The following ZFAND2A variants were observed in gnomAD, a reference collection of about 807,000 sequenced individuals.
The protein encoded by ZFAND2A is AN1-type zinc finger protein 2A.
Under a neutral mutation model 11.6 loss-of-function variants are expected in ZFAND2A, and 20 were observed. That is an observed-to-expected ratio of 1.72 (90% CI 1.21 to 2.50). The LOEUF (loss-of-function observed/expected upper bound fraction) is 2.50. ZFAND2A is among the 30% of genes most tolerant of loss of function. The pLI, the probability that ZFAND2A is intolerant of heterozygous loss-of-function variation, is 0.00. For missense variants in ZFAND2A, 234 were observed against 182.9 expected, an observed-to-expected ratio of 1.28 and a Z score of -1.61; for synonymous variants, 93 against 60.6, an observed-to-expected ratio of 1.54 and a Z score of -2.48.
chr7:1,152,728 G>C (rs752166518), downstream of ZFAND2A, among the ~76,000 whole-genome samples: 8 of 152,238 alleles, frequency 5.3e-5, no homozygotes, highest in African/African-American at 1.9e-4. Flanking sequence ...GACGAGCCCC[G>C]AGATGCTGGG....
chr7:1,155,225 C>G (rs774892564), intron 4 of ZFAND2A, among the ~76,000 whole-genome samples: 1 of 152,148 alleles, frequency 6.6e-6, no homozygotes. Flanking sequence ...TAGTAAATTC[C>G]AGTCAAGAAA....
At chr7:1,153,972 G>A (rs971865741) in intron 4 of ZFAND2A, among the ~76,000 whole-genome samples, 1 of 152,046 alleles carries the variant, frequency 6.6e-6, no homozygotes, top group Non-Finnish European at 1.5e-5. Flanking sequence ...AAGCCGGTCA[G>A]CATTGAAGCT....
At chr7:1,148,855 C>T (rs1420966172), downstream of ZFAND2A, among the ~76,000 whole-genome samples, 1 of 135,108 alleles carries the variant, frequency 7.4e-6, no homozygotes, top group African/African-American at 2.9e-5. Flanking sequence ...TTTAATGAGA[C>T]AGTCTTGCTC....
intron 4 of ZFAND2A, among the ~76,000 whole-genome samples, chr7:1,153,647 G>A (rs1392373367): frequency 6.6e-6 from 1 of 152,202 alleles, no homozygotes; most frequent in Non-Finnish European, 1.5e-5. Flanking sequence ...TCTCAGTGCA[G>A]GTAAGAAGAA....
Position 1,158,274 on chromosome 7 carries a change from ATAGT to A in ZFAND2A, c.-45-21_-45-18del, listed in dbSNP as rs1418793215. On this transcript the variant is annotated intron_variant, in intron 1 of 4. Transcript: ENST00000316495. ...AAGTGTCACCTACAAGAGAATCAGA[ATAGT>A]TAGGAGGAAAGCTGGACTGCCCTTC... 2.6e-6 allele frequency: 4 copies of A among 1,514,222 alleles called. No homozygotes were observed. Among genetic ancestry groups the A allele is most frequent in the Admixed American group, 3.4e-5 (2 of 58,486 alleles). 93.8% of individuals were successfully genotyped at this position (1,514,222 alleles called of 1,614,324 possible).
At chr7:1,154,666 G>A (rs1034654785) in intron 4 of ZFAND2A, among the ~76,000 whole-genome samples, 18 of 152,204 alleles carry the variant, frequency 1.2e-4, no homozygotes, top group Non-Finnish European at 4.4e-5. Flanking sequence ...GGCAGACTAA[G>A]GAACACTGAT....
intron 4 of ZFAND2A, among the ~76,000 whole-genome samples, chr7:1,154,794 C>T (rs997319480): frequency 1.3e-5 from 2 of 152,204 alleles, no homozygotes; most frequent in African/African-American, 4.8e-5. Flanking sequence ...TGACTAGGAA[C>T]GGATTAAGCC....
Position 1,158,221 on chromosome 7 carries a change from C to G in ZFAND2A, c.-9G>C, listed in dbSNP as rs139762237. 4 of 1,613,892 alleles carry G rather than the reference C, an allele frequency of 2.5e-6. No homozygotes were observed. Among genetic ancestry groups the G allele is most frequent in the Non-Finnish European group, 3.4e-6 (4 of 1,179,938 alleles). On this transcript the variant is annotated 5_prime_UTR_variant, in exon 2 of 5. Coordinates refer to ENST00000316495, the MANE Select transcript of ZFAND2A (RefSeq NM_182491.4). ...AAATCAGGAAACTCCATTATGAGAA[C>G]AGTGCTCAAAACGCAGATGGCGGAG...
rs915984297 is a variant in ZFAND2A, at chr7:1,155,549, G to T, written c.186C>A (p.Thr62=). The T allele has an allele frequency of 3.1e-6, 5 of 1,613,616 alleles. No homozygotes were observed. Among genetic ancestry groups the T allele is most frequent in the South Asian group, 1.1e-5 (1 of 91,068 alleles). The part of the protein sequence containing the change: ...VHVPVCPLCN[T]PIPVKKGQIP... ...TCTGGCCCTTTTTTACTGGGATGGG[G>T]GTATTACAGAGTGGGCATACTGGGA... Residue 62 remains threonine, a synonymous_variant, in exon 4 of 5, where the codon ACC becomes ACA. Transcript: ENST00000316495.
At chr7:1,159,693 G>A (rs866095944) in intron 1 of ZFAND2A, among the ~76,000 whole-genome samples, 1 of 49,840 alleles carries the variant, frequency 2.0e-5, no homozygotes, top group Non-Finnish European at 4.4e-5. Flanking sequence ...GCCAGACCCC[G>A]GCAGGCCCGG....
At chr7:1,158,134 A>G in intron 2 of ZFAND2A, 24 bp downstream of exon 2, 1 of 1,609,706 alleles carries the variant, frequency 6.2e-7, no homozygotes. Flanking sequence ...ACCATTTTCT[A>G]TTAAGTCTCT....
In ZFAND2A at chr7:1,160,026, G is replaced by A. The variant is rs1390666857; in HGVS notation, c.-108C>T. Reference sequence around the variant, plus strand: ...AGCAGATGGAAGAGACGTAAACTCAGGTGTCCTCCTCCGTAGTCGGCTCCG... The same window carrying A: ...AGCAGATGGAAGAGACGTAAACTCAAGTGTCCTCCTCCGTAGTCGGCTCCG... On this transcript the variant is annotated 5_prime_UTR_variant, in exon 1 of 5. Coordinates refer to ENST00000316495, the MANE Select transcript of ZFAND2A (RefSeq NM_182491.4). 1.3e-5 allele frequency: 2 copies of A among 154,630 alleles called. No individual in the cohort carries two copies. Among genetic ancestry groups the A allele is most frequent in the Admixed American group, 6.5e-5 (1 of 15,298 alleles). 9.6% of individuals were successfully genotyped at this position (154,630 alleles called of 1,614,324 possible). A position where few individuals can be genotyped will look rare whatever the true frequency, so the allele number is the denominator to read the frequency against.
chr7:1,153,062 T>C lies in ZFAND2A; in HGVS notation c.*7A>G. The C allele has an allele frequency of 6.2e-7, 1 of 1,613,930 alleles. No individual in the cohort carries two copies. Among genetic ancestry groups the C allele is most frequent in the Non-Finnish European group, 8.5e-7 (1 of 1,179,984 alleles). ...CGTGCTCCGAGCCATCGCAGCGGAG[T>C]CTCTTCTCACCCAGCTTTGATGGTG... On this transcript the variant is annotated 3_prime_UTR_variant, in exon 5 of 5. Transcript: ENST00000316495.
At chr7:1,156,865 C>T (rs1052970369) in intron 3 of ZFAND2A, among the ~76,000 whole-genome samples, 4 of 151,886 alleles carry the variant, frequency 2.6e-5, no homozygotes, top group African/African-American at 4.9e-5. Flanking sequence ...AGTGGGAAGA[C>T]AAGCTGGGCA....
downstream of ZFAND2A, among the ~76,000 whole-genome samples, chr7:1,151,461 G>C (rs967182687): frequency 6.6e-6 from 1 of 150,582 alleles, no homozygotes; most frequent in South Asian, 2.1e-4. Flanking sequence ...TGCTGGTTTT[G>C]AACTCCTGAC....
At chr7:1,159,823 C>A (rs1038484939) in intron 1 of ZFAND2A, 141 bp downstream of exon 1, 1 of 181,428 alleles carries the variant, frequency 5.5e-6, no homozygotes, top group Non-Finnish European at 1.2e-5. Context: ...ACAGGCCGGA[C>A]CCCCAGCAGC....
intron 1 of ZFAND2A, among the ~76,000 whole-genome samples, chr7:1,159,461 G>T (rs1793622920): frequency 6.7e-6 from 1 of 148,830 alleles, no homozygotes; most frequent in Non-Finnish European, 1.5e-5. Context: ...CGGACTCCCA[G>T]CAGACAGGCC....
At chr7:1,155,359 A>C in intron 4 of ZFAND2A, 94 bp downstream of exon 4, 2 of 1,530,936 alleles carry the variant, frequency 1.3e-6, no homozygotes, top group Admixed American at 3.9e-5. Context: ...TTGTACATAA[A>C]CTATTGGGAG....
At chr7:1,149,487 A>G (rs574876015), downstream of ZFAND2A, among the ~76,000 whole-genome samples, 1 of 152,212 alleles carries the variant, frequency 6.6e-6, no homozygotes, top group Non-Finnish European at 1.5e-5. Context: ...CTGTGTTTTG[A>G]CACAGGCTAG....
Sources: allele counts gnomAD v4.1 joint callset (sites outside exome capture counted in the v4.1 genomes callset), GRCh38; gene constraint gnomAD v4.1.1; transcripts MANE v1.5; gene names NCBI Gene and HGNC (gene_info 2026-07-23, HGNC 2026-07-21).